The following ZBTB20 variants were observed in gnomAD, a reference collection of about 807,000 sequenced individuals.
ZBTB20 encodes zinc finger and BTB domain-containing protein 20.
Under a neutral mutation model 56.9 loss-of-function variants are expected in ZBTB20, and 9 were observed. The observed-to-expected ratio is 0.16, with a 90% confidence interval of 0.10 to 0.28. The LOEUF (loss-of-function observed/expected upper bound fraction) is 0.28. Among genes scored for constraint, ZBTB20 ranks in the 10% least tolerant of loss-of-function variants. ZBTB20 has a pLI of 1.00. For missense variants in ZBTB20, 655 were observed against 1,003.0 expected, an observed-to-expected ratio of 0.65 and a Z score of 4.69; for synonymous variants, 417 against 420.7, an observed-to-expected ratio of 0.99 and a Z score of 0.11.
At chr3:114,365,510 G>A (rs927218720) in intron 10 of ZBTB20, among the ~76,000 whole-genome samples, 1 of 152,092 alleles carries the variant, frequency 6.6e-6, no homozygotes. Context: ...CAGTGTGTAG[G>A]GGGTGGATTT....
At chr3:114,392,158 C>T (rs2085936680) in intron 7 of ZBTB20, among the ~76,000 whole-genome samples, 1 of 152,142 alleles carries the variant, frequency 6.6e-6, no homozygotes, top group South Asian at 2.1e-4. Flanking sequence ...GGAGGAGGTG[C>T]GGATGGTTAA....
chr3:114,798,350 A>AAAAATC (rs2071467536), intron 5 of ZBTB20, among the ~76,000 whole-genome samples: 1 of 150,404 alleles, frequency 6.6e-6, no homozygotes, highest in Admixed American at 6.6e-5. Context: ...ACAAAAAAAC[A>AAAAATC]AAAAAAAACA....
At chr3:114,476,289 T>C (rs915763617) in intron 7 of ZBTB20, among the ~76,000 whole-genome samples, 3 of 152,150 alleles carry the variant, frequency 2.0e-5, no homozygotes, top group South Asian at 2.1e-4. Context: ...AGATTTACCA[T>C]GGGCTGACAA....
At chr3:114,789,976 C>A (rs1463639111) in intron 5 of ZBTB20, among the ~76,000 whole-genome samples, 1 of 151,816 alleles carries the variant, frequency 6.6e-6, no homozygotes, top group African/African-American at 2.4e-5. Context: ...TCTTATACAC[C>A]AAAGCACGGT....
In ZBTB20 at chr3:114,339,254, C is replaced by T. The variant is rs2079584973; in HGVS notation, c.1977G>A (p.Glu659=). 1 of 1,614,082 alleles carries T rather than the reference C, an allele frequency of 6.2e-7. No individual in the cohort carries two copies. Among genetic ancestry groups the T allele is most frequent in the Non-Finnish European group, 8.5e-7 (1 of 1,180,038 alleles). Residue 659 remains glutamate, a synonymous_variant, in exon 12 of 12, where the codon GAG becomes GAA. Coordinates refer to ENST00000675478, the MANE Select transcript of ZBTB20 (RefSeq NM_001348800.3). The surrounding 1 kb of genome is among the most constrained non-coding windows in gnomAD (Gnocchi z 4.2). The part of the protein sequence containing the change: ...LNVHMRLHRG[E]KSYECYICKK... ...TGCAGATGTAGCACTCGTAGGACTT[C>T]TCTCCCCGGTGGAGGCGCATGTGCA...
chr3:114,347,077 G>T (rs1372751402), intron 11 of ZBTB20, among the ~76,000 whole-genome samples: 5 of 71,020 alleles, frequency 7.0e-5, no homozygotes, highest in Admixed American at 4.8e-4. Flanking sequence ...TTCTCTTCAG[G>T]TTTTTTTTTT....
At chr3:114,637,215 A>G (rs988347914) in intron 6 of ZBTB20, among the ~76,000 whole-genome samples, 12 of 152,098 alleles carry the variant, frequency 7.9e-5, no homozygotes, top group African/African-American at 2.7e-4. Flanking sequence ...ATAATTGTAA[A>G]CTATTATTAT....
chr3:114,979,409 T>C (rs1297585235), intron 2 of ZBTB20, among the ~76,000 whole-genome samples: 1 of 152,026 alleles, frequency 6.6e-6, no homozygotes, highest in Non-Finnish European at 1.5e-5. Flanking sequence ...TATAAAATCA[T>C]GCTGTTCATT....
chr3:115,134,401 T>C (rs957566176), intron 1 of ZBTB20, among the ~76,000 whole-genome samples: 2 of 152,206 alleles, frequency 1.3e-5, no homozygotes, highest in Admixed American at 1.3e-4. Flanking sequence ...AGTGCAGAGA[T>C]GCTCAAAAAT....
Position 114,330,447 on chromosome 3 carries a change from T to C in ZBTB20, c.*8558A>G, listed in dbSNP as rs1005050208. ...GTCCTAGGTTTCAGAAATACTGCAATGTAGTGTATTGTAGTTAAGTAAGCA... is the reference window on the plus strand; with the variant it reads ...GTCCTAGGTTTCAGAAATACTGCAACGTAGTGTATTGTAGTTAAGTAAGCA... On this transcript the variant is annotated 3_prime_UTR_variant, in exon 12 of 12. Transcript: ENST00000675478. 2.0e-5 allele frequency: 3 copies of C among 152,220 alleles called. No homozygotes were observed. The highest frequency in any genetic ancestry group is 6.5e-5 in the Admixed American group (1 of 15,284). 9.4% of individuals were successfully genotyped at this position (152,220 alleles called of 1,614,324 possible).
At chr3:114,771,463 C>T (rs1013956043) in intron 5 of ZBTB20, among the ~76,000 whole-genome samples, 3 of 152,026 alleles carry the variant, frequency 2.0e-5, no homozygotes, top group Non-Finnish European at 4.4e-5. Context: ...CTTATCTTTC[C>T]TGTTTTTACT....
intron 2 of ZBTB20, among the ~76,000 whole-genome samples, chr3:114,995,704 T>C (rs540377466): frequency 6.6e-6 from 1 of 151,872 alleles, no homozygotes. Flanking sequence ...GAACATAACA[T>C]GTATTCATTT....
intron 1 of ZBTB20, among the ~76,000 whole-genome samples, chr3:115,128,475 C>A (rs922831190): frequency 2.6e-5 from 4 of 151,650 alleles, no homozygotes; most frequent in Non-Finnish European, 2.9e-5. Flanking sequence ...ATCAGCCTGG[C>A]CAACATGGTG....
chr3:114,787,534 A>C (rs1292747181), intron 5 of ZBTB20, among the ~76,000 whole-genome samples: 1 of 151,646 alleles, frequency 6.6e-6, no homozygotes, highest in African/African-American at 2.4e-5. Context: ...AGACAAAACT[A>C]TAATGATAAA....
intron 1 of ZBTB20, among the ~76,000 whole-genome samples, chr3:115,136,976 GAAC>G (rs2084667462): frequency 6.6e-6 from 1 of 152,140 alleles, no homozygotes; most frequent in African/African-American, 2.4e-5. Context: ...AAAATTACAA[GAAC>G]AACAGAGTAC....
chr3:114,953,754 C>T (rs78579156), intron 3 of ZBTB20, among the ~76,000 whole-genome samples: 5,182 of 151,966 alleles, frequency 0.034, 106 homozygotes, highest in African/African-American at 0.051. Context: ...GAAAAATCTA[C>T]AATTATATTT....
intron 6 of ZBTB20, among the ~76,000 whole-genome samples, chr3:114,598,954 T>A (rs114233268): frequency 6.6e-6 from 1 of 152,098 alleles, no homozygotes; most frequent in African/African-American, 2.4e-5. Context: ...AGAAAGATCC[T>A]TTACATTCCC....
chr3:115,079,378 T>TCTTA (rs2082712365), intron 1 of ZBTB20, among the ~76,000 whole-genome samples: 1 of 73,316 alleles, frequency 1.4e-5, no homozygotes, highest in African/African-American at 3.9e-5. Flanking sequence ...CTCAAGTCTT[T>TCTTA]CTTATTTATT....
intron 5 of ZBTB20, among the ~76,000 whole-genome samples, chr3:114,766,751 A>C (rs778628378): frequency 9.2e-5 from 14 of 152,108 alleles, no homozygotes; most frequent in Non-Finnish European, 2.1e-4. Context: ...TGGGAGAAGA[A>C]AGATCTACTT....
Sources: gnomAD v4.1 joint callset for allele counts (sites outside exome capture counted in the v4.1 genomes callset) on GRCh38, gnomAD v4.1.1 for gene constraint, Gnocchi (gnomAD v3.1) non-coding constraint, MANE v1.5 for transcripts, NCBI Gene and HGNC (gene_info 2026-07-23, HGNC 2026-07-21) for gene names.